XPOT: variants seen among roughly 807,000 people sequenced by gnomAD.
XPOT encodes the protein exportin-T.
XPOT carries 34 observed loss-of-function variants against 128.2 expected under a neutral mutation model. The observed-to-expected ratio is 0.27, with a 90% CI of 0.20 to 0.35. XPOT has a LOEUF of 0.35. Among genes scored for constraint, XPOT ranks in the 10% least tolerant of loss-of-function variants. XPOT has a pLI of 1.00. For synonymous variants in XPOT, 348 were observed against 394.3 expected (o/e 0.88, Z 1.39); for missense variants, 838 against 1,125.3 (o/e 0.74, Z 3.65).
At position 64,428,093 on chromosome 12, in the gene XPOT, A is replaced by T. The variant is rs1247501180; in HGVS notation, c.1710A>T (p.Ile570=). The T allele has an allele frequency of 6.3e-7, 1 of 1,577,582 alleles. No homozygotes were observed. The highest frequency in any genetic ancestry group is 1.7e-5 in the Admixed American group (1 of 59,602). ...TCATTGAGGATATTTTGAATAGAATACAAGATTTATTAGAGCTTTCTCCAC... is the reference window on the plus strand; with the variant it reads ...TCATTGAGGATATTTTGAATAGAATTCAAGATTTATTAGAGCTTTCTCCAC... ...NPFIEDILNR[I]QDLLELSPPE... Residue 570 remains isoleucine, a synonymous_variant, in exon 16 of 25, where the codon ATA becomes ATT. Coordinates refer to ENST00000332707, the MANE Select transcript of XPOT (RefSeq NM_007235.6).
chr12:64,450,746 A>G lies in XPOT; in HGVS notation c.*2615A>G, dbSNP rs906688079. 3.3e-5 allele frequency: 5 copies of G among 152,238 alleles called. No homozygotes were observed. Among genetic ancestry groups the G allele is most frequent in the Admixed American group, 3.3e-4 (5 of 15,280 alleles). 9.4% of individuals were successfully genotyped at this position (152,238 alleles called of 1,614,324 possible). ...AAGGACAAAACTGTTACAAGCTGAA[A>G]TATTTGGGGATTTGTTTGACTTGAC... On this transcript the variant is annotated 3_prime_UTR_variant, in exon 25 of 25. Transcript: ENST00000332707.
In XPOT at chr12:64,420,181, G is replaced by GTGAC; in HGVS notation, c.602_605dup (p.Cys203AspfsTer6). The GTGAC allele has an allele frequency of 6.2e-7, 1 of 1,612,970 alleles. No homozygotes were observed. Among genetic ancestry groups the GTGAC allele is most frequent in the Admixed American group, 1.7e-5 (1 of 59,750 alleles). On this transcript the variant is annotated frameshift_variant, in exon 7 of 25. Transcript: ENST00000332707. LOFTEE classifies it high-confidence loss of function. ...AAATTATCAGTTTACTAATTCTGAA[G>GTGAC]TGACGTGTCAGTGCCTTGAAGTAGT...
chr12:64,427,561 T>A (rs897397048), intron 15 of XPOT, among the ~76,000 whole-genome samples: 1 of 152,090 alleles, frequency 6.6e-6, no homozygotes, highest in African/African-American at 2.4e-5. Context: ...AGTGGCTGGA[T>A]CCCAGTTCAC....
rs896872647 is a variant in XPOT, at chr12:64,404,466, AGCG to A, written c.-401_-399del. The A allele has an allele frequency of 5.7e-5, 9 of 157,774 alleles. No homozygotes were observed. The highest frequency in any genetic ancestry group is 1.9e-4 in the East Asian group (1 of 5,400). The allele number at this position is 157,774 out of a possible 1,614,324, so 9.8% of individuals were successfully genotyped here. A position where few individuals can be genotyped will look rare whatever the true frequency, so the allele number is the denominator to read the frequency against. On this transcript the variant is annotated 5_prime_UTR_variant, in exon 1 of 25. Coordinates refer to ENST00000332707, the MANE Select transcript of XPOT (RefSeq NM_007235.6). ...CGGGGAGCGCGCTTCGCGCTGACTC[AGCG>A]GCGGCGGCGGCTGCGGCGGCGGCGG...
At chr12:64,409,714 A>G (rs936731534) in intron 1 of XPOT, 7 of 243,126 alleles carry the variant, frequency 2.9e-5, no homozygotes, top group East Asian at 2.0e-4. Context: ...CAGCCTGGGC[A>G]ACAGAGTGAG....
rs367807279 is a variant in XPOT at position 64,414,830 on chromosome 12, C to T, written c.61-77C>T. 476 of 889,672 alleles carry T rather than the reference C, an allele frequency of 5.4e-4. 6 individuals are homozygous for T. The South Asian group carries it at 5.5e-3, about 10-fold the overall frequency. 55.1% of individuals were successfully genotyped at this position (889,672 alleles called of 1,614,324 possible). A position where few individuals can be genotyped will look rare whatever the true frequency, so the allele number is the denominator to read the frequency against. On this transcript the variant is annotated intron_variant, in intron 2 of 24. Transcript: ENST00000332707. ...TGATTTGTTATAGGTTTGCAACTCT[C>T]AGAATATTTTGTTTATATTAGCAGG...
intron 1 of XPOT, among the ~76,000 whole-genome samples, chr12:64,407,969 A>T (rs909695791): frequency 6.6e-6 from 1 of 152,058 alleles, no homozygotes; most frequent in Admixed American, 6.5e-5. Flanking sequence ...TGTAACCTGG[A>T]CCTGAGCCTG....
chr12:64,405,801 A>G (rs1363862140), intron 1 of XPOT, among the ~76,000 whole-genome samples: 1 of 152,078 alleles, frequency 6.6e-6, no homozygotes, highest in Non-Finnish European at 1.5e-5. Context: ...TATTTTTCGT[A>G]GAGATGGAGT....
At chr12:64,447,679 C>T (rs896042847) in intron 24 of XPOT, among the ~76,000 whole-genome samples, 1 of 152,136 alleles carries the variant, frequency 6.6e-6, no homozygotes, top group African/African-American at 2.4e-5. Flanking sequence ...TGGGTTTCTC[C>T]ATGTTGGTCA....
At position 64,431,721 on chromosome 12, in the gene XPOT, T is replaced by A; in HGVS notation, c.2160T>A (p.Leu720=). The change falls in exon 18 of 25, where the codon CTT becomes CTA. Residue 720 remains leucine, a synonymous_variant. Coordinates refer to ENST00000332707, the MANE Select transcript of XPOT (RefSeq NM_007235.6). ...TTATTTGCCTGGAGGAAGAAGTTCTTCCGTTCATTCCATCTGCTTCAGAAC... is the reference window on the plus strand; with the variant it reads ...TTATTTGCCTGGAGGAAGAAGTTCTACCGTTCATTCCATCTGCTTCAGAAC... ...RMIICLEEEV[L]PFIPSASEHM... The A allele has an allele frequency of 5.6e-6, 9 of 1,614,092 alleles. No homozygotes were observed. Among genetic ancestry groups the A allele is most frequent in the Non-Finnish European group, 7.6e-6 (9 of 1,179,978 alleles).
At chr12:64,435,508 A>ATTT (rs1344278891) in intron 21 of XPOT, 119 bp from the exon 22 acceptor site, 1 of 797,592 alleles carries the variant, frequency 1.3e-6, no homozygotes, top group African/African-American at 1.8e-5. Flanking sequence ...CTGGAGTTAA[A>ATTT]TATTTCTCTG....
intron 4 of XPOT, among the ~76,000 whole-genome samples, chr12:64,417,286 A>G (rs990478427): frequency 5.3e-5 from 8 of 152,288 alleles, no homozygotes; most frequent in South Asian, 4.1e-4. Context: ...GCTCATGCCT[A>G]TGATCTCAGC....
chr12:64,420,301 A>G, intron 7 of XPOT, 47 bp downstream of exon 7: 5 of 1,599,594 alleles, frequency 3.1e-6, no homozygotes, highest in Non-Finnish European at 4.3e-6. Context: ...AAAATACAGT[A>G]TCTAAAACTC....
intron 24 of XPOT, among the ~76,000 whole-genome samples, chr12:64,445,460 A>G (rs2040360344): frequency 6.6e-6 from 1 of 152,232 alleles, no homozygotes; most frequent in Non-Finnish European, 1.5e-5. Context: ...ATATTTGCTT[A>G]TATCCTATTT....
chr12:64,445,025 T>G lies in XPOT; in HGVS notation c.2806-50T>G, dbSNP rs967502263. The G allele has an allele frequency of 4.0e-6, 6 of 1,494,184 alleles. No individual in the cohort carries two copies. The African/African-American group carries it at 8.5e-5, about 21-fold the overall frequency. The allele number at this position is 1,494,184 out of a possible 1,614,324, so 92.6% of individuals were successfully genotyped here. A position where few individuals can be genotyped will look rare whatever the true frequency, so the allele number is the denominator to read the frequency against. ...AAACTGGATACGAATTACAATGGAT[T>G]TAATACAAATACATTTGTTCTTTTT... is the stretch of plus-strand genomic sequence containing the variant. On this transcript the variant is annotated intron_variant, in intron 23 of 24. Coordinates refer to ENST00000332707, the MANE Select transcript of XPOT (RefSeq NM_007235.6).
chr12:64,418,731 A>C, intron 5 of XPOT, 145 bp from the exon 6 acceptor site: 1 of 660,424 alleles, frequency 1.5e-6, no homozygotes, highest in Middle Eastern at 2.5e-4. Flanking sequence ...CATAATTATC[A>C]AAATAATTTT....
chr12:64,436,786 C>G (rs6581563), intron 22 of XPOT, among the ~76,000 whole-genome samples: 136,098 of 152,208 alleles, frequency 0.89, 61,115 homozygotes, highest in Admixed American at 0.94. Flanking sequence ...TCACCATTGT[C>G]CCTACACTGG....
In XPOT at chr12:64,445,089, G is replaced by A. The variant is rs200495711; in HGVS notation, c.2820G>A (p.Ala940=). ...CCACCCCCCAGGAGTTTTGTCAAGC[G>A]CTTCAGCAGCCTGATGCTAAAGTTT... is the stretch of plus-strand genomic sequence containing the variant. ...APEIIQEFCQ[A]LQQPDAKVFK... The change falls in exon 24 of 25, where the codon GCG becomes GCA. Residue 940 remains alanine (A), a synonymous_variant. Coordinates refer to ENST00000332707, the MANE Select transcript of XPOT (RefSeq NM_007235.6). 60 of 1,608,228 alleles carry A rather than the reference G, an allele frequency of 3.7e-5. No homozygotes were observed. The Middle Eastern group carries it at 3.1e-3, about 84-fold the overall frequency.
At chr12:64,434,404 C>T (rs2040265882) in intron 19 of XPOT, 103 bp from the exon 20 acceptor site, 3 of 725,452 alleles carry the variant, frequency 4.1e-6, no homozygotes, top group South Asian at 4.2e-5. Context: ...CCCATTCCAC[C>T]TGTAAATGAT....
Sources: allele counts gnomAD v4.1 joint callset (sites outside exome capture counted in the v4.1 genomes callset), GRCh38; gene constraint gnomAD v4.1.1; transcripts MANE v1.5; gene names NCBI Gene and HGNC (gene_info 2026-07-23, HGNC 2026-07-21).